Variants in CLSTN1 observed in about 807,000 individuals in gnomAD.
The protein encoded by CLSTN1 is calsyntenin 1.
A neutral mutation model predicts 108.3 loss-of-function variants in CLSTN1; 28 were observed. That is an observed-to-expected ratio of 0.26 (90% CI 0.19 to 0.35). The LOEUF is 0.35. Among genes scored for constraint, CLSTN1 ranks in the 10% least tolerant of loss-of-function variants. The pLI is 1.00. For synonymous variants in CLSTN1, 524 were observed against 534.9 expected (o/e 0.98, Z 0.28); for missense variants, 1,157 against 1,302.6 (o/e 0.89, Z 1.72).
intron 2 of CLSTN1, among the ~76,000 whole-genome samples, chr1:9,771,750 CA>C (rs1446619915): frequency 6.6e-6 from 1 of 152,118 alleles, no homozygotes. Context: ...TTAATAAACA[CA>C]CAAAACAACT....
At chr1:9,813,369 C>G (rs1168424410) in intron 1 of CLSTN1, among the ~76,000 whole-genome samples, 1 of 151,338 alleles carries the variant, frequency 6.6e-6, no homozygotes, top group Admixed American at 6.6e-5. Flanking sequence ...CTTGCTGGTG[C>G]ATGTCTGTAA....
intron 2 of CLSTN1, among the ~76,000 whole-genome samples, chr1:9,766,795 C>T (rs1652357520): frequency 6.6e-6 from 1 of 152,140 alleles, no homozygotes; most frequent in African/African-American, 2.4e-5. Flanking sequence ...TGACAAATAC[C>T]AAGACTCTGT....
chr1:9,795,756 A>C (rs957661336), intron 1 of CLSTN1, among the ~76,000 whole-genome samples: 1 of 151,250 alleles, frequency 6.6e-6, no homozygotes, highest in African/African-American at 2.4e-5. Context: ...GGAGTTAGAG[A>C]CCAGCCTGGG....
At chr1:9,809,726 C>G in intron 1 of CLSTN1, among the ~76,000 whole-genome samples, 1 of 151,720 alleles carries the variant, frequency 6.6e-6, no homozygotes, top group Non-Finnish European at 1.5e-5. Context: ...CATGGTAAAA[C>G]CCCATCTCTA....
chr1:9,820,300 A>C (rs914861507), intron 1 of CLSTN1, among the ~76,000 whole-genome samples: 19 of 152,126 alleles, frequency 1.2e-4, no homozygotes, highest in African/African-American at 4.6e-4. Context: ...CAGGCGGATC[A>C]CTTGAGGTCA....
intron 1 of CLSTN1, among the ~76,000 whole-genome samples, chr1:9,815,245 TA>T (rs145511111): frequency 0.012 from 1,758 of 152,314 alleles, 31 homozygotes; most frequent in African/African-American, 0.041. Context: ...TCAATGTTTT[TA>T]AGAAAAGGGT....
chr1:9,767,176 G>A (rs1200896861), intron 2 of CLSTN1, among the ~76,000 whole-genome samples: 1 of 152,198 alleles, frequency 6.6e-6, no homozygotes, highest in Non-Finnish European at 1.5e-5. Flanking sequence ...CTGCTGTCAC[G>A]CAGCTGGCAG....
At chr1:9,784,304 C>T (rs577686032) in intron 1 of CLSTN1, among the ~76,000 whole-genome samples, 3 of 151,712 alleles carry the variant, frequency 2.0e-5, no homozygotes, top group African/African-American at 4.8e-5. Context: ...GATTGTGTCA[C>T]TTGCACTCCG....
At chr1:9,811,680 AGT>A (rs1217941051) in intron 1 of CLSTN1, among the ~76,000 whole-genome samples, 2 of 150,614 alleles carry the variant, frequency 1.3e-5, no homozygotes, top group East Asian at 3.9e-4. Flanking sequence ...AATTCAAGTC[AGT>A]GTGTTTTACT....
intron 9 of CLSTN1, 32 bp downstream of exon 9, chr1:9,743,852 C>T (rs756730966): frequency 1.7e-5 from 28 of 1,612,036 alleles, no homozygotes; most frequent in Admixed American, 6.7e-5. Context: ...GCACCTTGCC[C>T]GGCCCTATTA....
At chr1:9,814,050 C>G (rs935887188) in intron 1 of CLSTN1, among the ~76,000 whole-genome samples, 2 of 150,830 alleles carry the variant, frequency 1.3e-5, no homozygotes, top group Non-Finnish European at 2.9e-5. Flanking sequence ...TGCAGTGAGC[C>G]AAGATCACGC....
At chr1:9,760,436 G>A (rs969460868) in intron 2 of CLSTN1, among the ~76,000 whole-genome samples, 9 of 152,226 alleles carry the variant, frequency 5.9e-5, no homozygotes, top group African/African-American at 2.2e-4. Flanking sequence ...CTACCTCAAG[G>A]GGCCATTTGT....
chr1:9,777,623 T>C (rs1459660207), intron 1 of CLSTN1, among the ~76,000 whole-genome samples: 2 of 152,214 alleles, frequency 1.3e-5, no homozygotes, highest in Admixed American at 1.3e-4. Context: ...AATATTTTTA[T>C]GAAAATAACT....
chr1:9,740,162 C>T (rs905694551), intron 10 of CLSTN1, among the ~76,000 whole-genome samples: 4 of 152,106 alleles, frequency 2.6e-5, no homozygotes, highest in East Asian at 3.9e-4. Context: ...TGGGTTCAAC[C>T]GATTCTCCTG....
At chr1:9,767,944 C>T (rs1195223442) in intron 2 of CLSTN1, among the ~76,000 whole-genome samples, 1 of 152,152 alleles carries the variant, frequency 6.6e-6, no homozygotes, top group Non-Finnish European at 1.5e-5. Context: ...GTTTAAAGCT[C>T]TTCACACGTA....
chr1:9,750,801 A>C (rs1651521769), intron 5 of CLSTN1, among the ~76,000 whole-genome samples: 1 of 151,604 alleles, frequency 6.6e-6, no homozygotes. Flanking sequence ...ATGTAATCCC[A>C]GCACTTTGGG....
intron 1 of CLSTN1, among the ~76,000 whole-genome samples, chr1:9,809,626 T>C (rs1570520427): frequency 6.6e-6 from 1 of 152,004 alleles, no homozygotes; most frequent in East Asian, 1.9e-4. Context: ...ACTAAAAATA[T>C]AAGCAGTGGC....
At chr1:9,746,566 G>T (rs6694983) in intron 7 of CLSTN1, among the ~76,000 whole-genome samples, 139,863 of 152,282 alleles carry the variant, frequency 0.92, 64,380 homozygotes, top group African/African-American at 0.98. Flanking sequence ...ATACAAAAAT[G>T]AGCCAGGCAT....
intron 2 of CLSTN1, among the ~76,000 whole-genome samples, chr1:9,772,372 A>G (rs921055990): frequency 6.6e-6 from 1 of 151,848 alleles, no homozygotes; most frequent in Non-Finnish European, 1.5e-5. Context: ...CAGTGGTGCA[A>G]TCAAGGCTCA....
Sources: allele counts gnomAD v4.1 joint callset (sites outside exome capture counted in the v4.1 genomes callset), GRCh38; gene constraint gnomAD v4.1.1; transcripts MANE v1.5; gene names NCBI Gene and HGNC (gene_info 2026-07-23, HGNC 2026-07-21).